LONRF1: variants seen among roughly 807,000 people sequenced by gnomAD.
The protein encoded by LONRF1 is LON peptidase N-terminal domain and RING finger protein 1.
LONRF1 carries 37 observed loss-of-function variants against 85.8 expected under a neutral mutation model. The ratio of observed to expected loss-of-function variants is 0.43; its 90% confidence interval spans 0.33 to 0.57. The LOEUF is 0.57. Ranked by LOEUF, LONRF1 falls within the 20% of genes least tolerant of loss-of-function variation. The probability of loss-of-function intolerance (pLI) is 0.04; values close to 1 mark genes in which losing one functional copy is unlikely to be tolerated. For missense variants in LONRF1, 1,036 were observed against 978.0 expected, an observed-to-expected ratio of 1.06 and a Z score of -0.79; for synonymous variants, 517 against 390.1, an observed-to-expected ratio of 1.33 and a Z score of -3.83.
At chr8:12,738,388 T>C (rs1004338772) in intron 3 of LONRF1, among the ~76,000 whole-genome samples, 14 of 152,140 alleles carry the variant, frequency 9.2e-5, no homozygotes, top group African/African-American at 3.4e-4. Flanking sequence ...ATGGGAGTAG[T>C]AAGACTCAGG....
intron 2 of LONRF1, 35 bp downstream of exon 2, chr8:12,743,129 T>C: frequency 1.5e-6 from 2 of 1,373,342 alleles, no homozygotes; most frequent in Non-Finnish European, 2.1e-6. Flanking sequence ...AGTTAAAATT[T>C]TACAATTTAT....
At chr8:12,747,964 A>G (rs1190986787) in intron 1 of LONRF1, among the ~76,000 whole-genome samples, 3 of 152,176 alleles carry the variant, frequency 2.0e-5, no homozygotes, top group African/African-American at 7.2e-5. Context: ...TTTATAAAAT[A>G]TACTATATAT....
intron 1 of LONRF1, among the ~76,000 whole-genome samples, chr8:12,745,403 C>CAT (rs1177522470): frequency 6.7e-4 from 30 of 44,758 alleles, no homozygotes; most frequent in African/African-American, 1.4e-3. Flanking sequence ...TTAGGACCAT[C>CAT]ACACTGATCT....
intron 1 of LONRF1, among the ~76,000 whole-genome samples, chr8:12,751,294 A>ATTTT (rs1554469328): frequency 2.4e-5 from 2 of 84,810 alleles, no homozygotes; most frequent in South Asian, 5.1e-4. Context: ...TTTTATTTTT[A>ATTTT]TGTTTTTTTT....
chr8:12,746,920 A>G (rs1377837800), intron 1 of LONRF1, among the ~76,000 whole-genome samples: 2 of 152,216 alleles, frequency 1.3e-5, no homozygotes, highest in Non-Finnish European at 2.9e-5. Flanking sequence ...TACTTAGAAC[A>G]GGGCTTGGTA....
chr8:12,752,718 T>C (rs1203380321), intron 1 of LONRF1, among the ~76,000 whole-genome samples: 1 of 152,228 alleles, frequency 6.6e-6, no homozygotes, highest in Non-Finnish European at 1.5e-5. Context: ...GGTCACAGAA[T>C]GTTAAGCTAG....
intron 7 of LONRF1, among the ~76,000 whole-genome samples, chr8:12,734,732 C>T (rs577941686): frequency 6.6e-6 from 1 of 152,320 alleles, no homozygotes; most frequent in Admixed American, 6.5e-5. Context: ...AGCCATTAGT[C>T]ACATGTGCCT....
chr8:12,735,084 A>G (rs552740220), intron 7 of LONRF1, among the ~76,000 whole-genome samples: 1 of 152,222 alleles, frequency 6.6e-6, no homozygotes, highest in African/African-American at 2.4e-5. Context: ...GGTCTTCAGC[A>G]TCTGTCTTCT....
chr8:12,736,476 G>A (rs1373468170), intron 6 of LONRF1, among the ~76,000 whole-genome samples: 1 of 152,058 alleles, frequency 6.6e-6, no homozygotes. Flanking sequence ...TGAGATGTAG[G>A]CCATGCAAAG....
intron 8 of LONRF1, among the ~76,000 whole-genome samples, chr8:12,730,795 C>G (rs1585227723): frequency 2.0e-5 from 3 of 152,260 alleles, no homozygotes; most frequent in Admixed American, 2.0e-4. Flanking sequence ...CTGTGGAAGG[C>G]ACCTGGCTCA....
At chr8:12,751,749 G>A (rs1563161239) in intron 1 of LONRF1, among the ~76,000 whole-genome samples, 1 of 150,714 alleles carries the variant, frequency 6.6e-6, no homozygotes, top group Non-Finnish European at 1.5e-5. Flanking sequence ...TCTTCCTCTG[G>A]GGGAGAGGTG....
chr8:12,723,358 G>A, intron 11 of LONRF1, 104 bp from the exon 12 acceptor site: 1 of 1,039,248 alleles, frequency 9.6e-7, no homozygotes. Flanking sequence ...TGTACTATGT[G>A]CCAGGTGCTA....
chr8:12,731,770 T>A lies in LONRF1; in HGVS notation c.1654A>T (p.Lys552Ter). 6.2e-7 allele frequency: 1 copy of A among 1,613,158 alleles called. No individual in the cohort carries two copies. The highest frequency in any genetic ancestry group is 8.5e-7 in the Non-Finnish European group (1 of 1,179,464). ...TCAGCAGTTTCTTCATCATATATTT[T>A]TTTTCTCTCAGACAGTTCATCAGGC... ...YLPDELSERK[K>*]IYDEETAELS... is the part of the protein sequence containing the mutation. The change falls in exon 8 of 12, where the codon AAA (lysine) becomes TAA (stop). Residue 552 changes from lysine (K) to a stop codon, truncating the protein, a stop_gained. Transcript: ENST00000398246. LOFTEE classifies it high-confidence loss of function.
intron 10 of LONRF1, 55 bp from the exon 11 acceptor site, chr8:12,725,934 A>G (rs1798280721): frequency 6.5e-7 from 1 of 1,528,320 alleles, no homozygotes; most frequent in Non-Finnish European, 8.9e-7. Context: ...TCCATATGCC[A>G]TATGCCAACC....
At chr8:12,739,289 T>A (rs1341787144) in intron 3 of LONRF1, among the ~76,000 whole-genome samples, 1 of 134,438 alleles carries the variant, frequency 7.4e-6, no homozygotes, top group Non-Finnish European at 1.6e-5. Context: ...TATAATGGAA[T>A]ACTTTAAAAA....
chr8:12,741,488 G>C (rs1798932718), intron 2 of LONRF1, among the ~76,000 whole-genome samples: 1 of 152,126 alleles, frequency 6.6e-6, no homozygotes, highest in African/African-American at 2.4e-5. Flanking sequence ...ACTAACAGGG[G>C]AACTGAGGCC....
Position 12,755,494 on chromosome 8 carries a change from C to G in LONRF1, c.-74G>C, listed in dbSNP as rs1205177670. The G allele has an allele frequency of 1.2e-6, 1 of 821,248 alleles. No individual in the cohort carries two copies. The highest frequency in any genetic ancestry group is 1.5e-6 in the Non-Finnish European group (1 of 673,182). 50.9% of individuals were successfully genotyped at this position (821,248 alleles called of 1,614,324 possible). ...CCTCCCGGGCGCGCGGCTCCGCACG[C>G]GGCCCGCGAGCAGGGGGGCGTGGCG... On this transcript the variant is annotated 5_prime_UTR_variant, in exon 1 of 12. Coordinates refer to ENST00000398246, the MANE Select transcript of LONRF1 (RefSeq NM_152271.5).
At position 12,740,867 on chromosome 8, in the gene LONRF1, T is replaced by G. The variant is rs920944678; in HGVS notation, c.963+7A>C. 23 of 1,612,840 alleles carry G rather than the reference T, an allele frequency of 1.4e-5. No individual in the cohort carries two copies. The highest frequency in any genetic ancestry group is 2.0e-5 in the Non-Finnish European group (23 of 1,179,336). ...CCATGAACTGTAATTGTTGGTAAAC[T>G]GATTACCTTTTGTACTTGCAGCTTT... is the stretch of plus-strand genomic sequence containing the variant. On this transcript the variant is annotated splice_region_variant and intron_variant, in intron 3 of 11. Coordinates refer to ENST00000398246, the MANE Select transcript of LONRF1 (RefSeq NM_152271.5).
At chr8:12,745,993 C>T (rs922127084) in intron 1 of LONRF1, among the ~76,000 whole-genome samples, 19 of 152,166 alleles carry the variant, frequency 1.2e-4, no homozygotes, top group African/African-American at 4.6e-4. Context: ...CATAATTTTT[C>T]TAAACTCAGC....
Sources: gnomAD v4.1 joint callset for allele counts (sites outside exome capture counted in the v4.1 genomes callset) on GRCh38, gnomAD v4.1.1 for gene constraint, MANE v1.5 for transcripts, NCBI Gene and HGNC (gene_info 2026-07-23, HGNC 2026-07-21) for gene names.